The following PJA2 variants were observed in gnomAD, a reference collection of about 807,000 sequenced individuals.
PJA2 encodes the protein E3 ubiquitin-protein ligase Praja-2.
PJA2 carries 25 observed loss-of-function variants against 69.3 expected under a neutral mutation model. That is an observed-to-expected ratio of 0.36 (90% CI 0.26 to 0.50). PJA2 has a LOEUF of 0.50. PJA2 is among the 20% of genes least tolerant of loss of function. PJA2 has a pLI of 0.96. For missense variants in PJA2, 809 were observed against 830.2 expected, an observed-to-expected ratio of 0.97 and a Z score of 0.31; for synonymous variants, 308 against 277.8, an observed-to-expected ratio of 1.11 and a Z score of -1.08.
intron 7 of PJA2, among the ~76,000 whole-genome samples, chr5:109,350,102 G>A (rs1285197666): frequency 6.6e-6 from 1 of 151,996 alleles, no homozygotes; most frequent in Non-Finnish European, 1.5e-5. Context: ...TGTCTCAATG[G>A]GTTCATTATC....
At chr5:109,338,561 C>T (rs4957810) in intron 9 of PJA2, among the ~76,000 whole-genome samples, 32,880 of 146,738 alleles carry the variant, frequency 0.22, 4,910 homozygotes, top group African/African-American at 0.43. Flanking sequence ...TGCTTGAACC[C>T]GGGAGGCGGA....
At chr5:109,395,910 G>C (rs1747395727) in intron 1 of PJA2, among the ~76,000 whole-genome samples, 1 of 150,816 alleles carries the variant, frequency 6.6e-6, no homozygotes, top group Non-Finnish European at 1.5e-5. Context: ...TGAGGCAGGA[G>C]AATCACTTGA....
At chr5:109,398,880 C>A (rs536774630) in intron 1 of PJA2, among the ~76,000 whole-genome samples, 1 of 152,226 alleles carries the variant, frequency 6.6e-6, no homozygotes, top group East Asian at 1.9e-4. Flanking sequence ...TTTGCTACCA[C>A]TGGGGAAGGA....
intron 1 of PJA2, among the ~76,000 whole-genome samples, chr5:109,395,647 A>T (rs1368494111): frequency 6.6e-6 from 1 of 152,222 alleles, no homozygotes; most frequent in Non-Finnish European, 1.5e-5. Context: ...TCCAGAGAAT[A>T]GAAAAGGATT....
At chr5:109,391,958 C>T (rs1489690706) in intron 1 of PJA2, among the ~76,000 whole-genome samples, 2 of 152,092 alleles carry the variant, frequency 1.3e-5, no homozygotes, top group Non-Finnish European at 2.9e-5. Flanking sequence ...GACATAACTA[C>T]GTGAAGAAAA....
In PJA2 at chr5:109,336,916, A is replaced by C. The variant is rs1761954232; in HGVS notation, c.*315T>G. ...TAATCACTTAGTGGCAGTATTACAG[A>C]CAAAGCCAATAACGTATGCCACACA... On this transcript the variant is annotated 3_prime_UTR_variant, in exon 10 of 10. Transcript: ENST00000361189. 1 of 164,868 alleles carries C rather than the reference A, an allele frequency of 6.1e-6. No individual in the cohort carries two copies. Among genetic ancestry groups the C allele is most frequent in the South Asian group, 1.7e-4 (1 of 5,794 alleles). 10.2% of individuals were successfully genotyped at this position (164,868 alleles called of 1,614,324 possible).
At chr5:109,390,141 A>T (rs1373279789) in intron 1 of PJA2, among the ~76,000 whole-genome samples, 1 of 152,002 alleles carries the variant, frequency 6.6e-6, no homozygotes, top group Admixed American at 6.5e-5. Flanking sequence ...TTATTCCTTT[A>T]CTAAAACTTT....
chr5:109,343,273 C>CAAAAA (rs869033444), intron 9 of PJA2, among the ~76,000 whole-genome samples: 3 of 19,384 alleles, frequency 1.5e-4, no homozygotes, highest in African/African-American at 3.4e-4. Flanking sequence ...AAGGGCGGTG[C>CAAAAA]AAAAAAAAAA....
chr5:109,376,319 AAATAAG>A (rs1017086872), intron 4 of PJA2, among the ~76,000 whole-genome samples: 1 of 151,802 alleles, frequency 6.6e-6, no homozygotes, highest in Non-Finnish European at 1.5e-5. Flanking sequence ...AAAAAATTAA[AAATAAG>A]AATAAGAATT....
intron 7 of PJA2, among the ~76,000 whole-genome samples, chr5:109,345,194 A>C (rs1161545435): frequency 1.3e-5 from 2 of 151,392 alleles, no homozygotes; most frequent in Non-Finnish European, 2.9e-5. Context: ...AAAAAAAAAA[A>C]AAAAAAACAA....
chr5:109,344,938 C>T (rs574902513), intron 7 of PJA2, 119 bp from the exon 8 acceptor site: 10 of 626,448 alleles, frequency 1.6e-5, no homozygotes, highest in Admixed American at 1.5e-4. Context: ...GTTTCTTTTG[C>T]TTTAGTCCTT....
At chr5:109,367,378 A>G (rs1394735711) in intron 5 of PJA2, among the ~76,000 whole-genome samples, 8 of 151,516 alleles carry the variant, frequency 5.3e-5, no homozygotes, top group Non-Finnish European at 1.2e-4. Flanking sequence ...GTCTACACTG[A>G]AAAAGTTCTT....
intron 1 of PJA2, among the ~76,000 whole-genome samples, chr5:109,392,535 T>G (rs1188013253): frequency 7.7e-6 from 1 of 129,346 alleles, no homozygotes; most frequent in African/African-American, 3.1e-5. Context: ...CACTCCAGCC[T>G]GGGCAACAGA....
At chr5:109,370,108 C>G (rs1006785155) in intron 4 of PJA2, among the ~76,000 whole-genome samples, 1 of 145,552 alleles carries the variant, frequency 6.9e-6, no homozygotes, top group African/African-American at 2.5e-5. Context: ...TTACAATTAA[C>G]TACTCTTAGT....
rs180933577 is a variant in PJA2, at chr5:109,367,679, T to A, written c.1469+882A>T. ...CAATTTGCATCTAGGAATCTCATTA[T>A]AAAAATCCCATGTAAAATATTAGAA... On this transcript the variant is annotated intron_variant, in intron 5 of 9. Coordinates refer to ENST00000361189, the MANE Select transcript of PJA2 (RefSeq NM_014819.5). 2.3e-3 allele frequency among the ~76,000 whole-genome samples: 348 copies of A among 152,290 alleles called. 1 individual carries two copies. Among genetic ancestry groups the A allele is most frequent in the African/African-American group, 8.1e-3 (335 of 41,570 alleles).
rs74962605 is a variant in PJA2 at position 109,356,176 on chromosome 5, TA to T, written c.1653-151del. On this transcript the variant is annotated intron_variant, in intron 6 of 9. Coordinates refer to ENST00000361189, the MANE Select transcript of PJA2 (RefSeq NM_014819.5). ...ATATTTTAATACCAACTTGTAGGGT[TA>T]GGGGCAGGAGGGACCCAACAGAAAA... The T allele has an allele frequency of 0.019, 11,359 of 597,318 alleles. 1,360 individuals carry two copies. In the East Asian group the frequency reaches 0.26, roughly 14 times the overall value. The allele number at this position is 597,318 out of a possible 1,614,324, so 37.0% of individuals were successfully genotyped here. A position where few individuals can be genotyped will look rare whatever the true frequency, so the allele number is the denominator to read the frequency against.
chr5:109,379,284 T>C, intron 3 of PJA2, 30 bp from the exon 4 acceptor site: 1 of 1,472,548 alleles, frequency 6.8e-7, no homozygotes, highest in Non-Finnish European at 9.2e-7. Context: ...AAACATATTT[T>C]AAAGGATTAA....
intron 7 of PJA2, among the ~76,000 whole-genome samples, chr5:109,348,451 A>G (rs964144626): frequency 1.3e-5 from 2 of 152,228 alleles, no homozygotes; most frequent in African/African-American, 4.8e-5. Flanking sequence ...TGGTTAAGGA[A>G]TAAGATTCTG....
chr5:109,372,665 G>C (rs1042361274), intron 4 of PJA2, among the ~76,000 whole-genome samples: 3 of 152,022 alleles, frequency 2.0e-5, no homozygotes, highest in Non-Finnish European at 4.4e-5. Context: ...CAGCACTTTG[G>C]GAGGTTGAGG....
Sources: allele counts gnomAD v4.1 joint callset (sites outside exome capture counted in the v4.1 genomes callset), GRCh38; gene constraint gnomAD v4.1.1; transcripts MANE v1.5; gene names NCBI Gene and HGNC (gene_info 2026-07-23, HGNC 2026-07-21).